JHY: variants seen among roughly 807,000 people sequenced by gnomAD.
JHY encodes the protein jhy protein homolog.
In JHY, 69 loss-of-function variants were observed where a neutral mutation model predicts 78.0. That is an observed-to-expected ratio of 0.88 (90% CI 0.73 to 1.08). The LOEUF (loss-of-function observed/expected upper bound fraction) is 1.08, where lower values mean the gene tolerates loss of function less well. Ranked by LOEUF, JHY falls within the 50% of genes least tolerant of loss-of-function variation. JHY has a pLI of 0.00. For missense variants in JHY, 944 were observed against 927.8 expected, an observed-to-expected ratio of 1.02 and a Z score of -0.23; for synonymous variants, 368 against 342.6, an observed-to-expected ratio of 1.07 and a Z score of -0.82.
rs745355947 is a variant in JHY, at chr11:122,959,440, G to A, written c.2332G>A (p.Val778Ile). 14 of 1,613,820 alleles carry A rather than the reference G, an allele frequency of 8.7e-6. No individual in the cohort carries two copies. The highest frequency in any genetic ancestry group is 1.7e-5 in the Admixed American group (1 of 60,028). ...AVAAFKVLHI[V>I] The stretch of plus-strand genomic sequence containing the variant: ...GGCTGCTTTCAAAGTCCTTCACATC[G>A]TATAGACAACATTTGATAGGAAGGA... The change falls in exon 9 of 9, where the codon GTA (valine) becomes ATA (isoleucine). Residue 778 changes from valine to isoleucine, a missense_variant. Val to Ile is a conservative substitution (Grantham distance 29). Transcript: ENST00000227349.
intron 1 of JHY, among the ~76,000 whole-genome samples, 173 bp from the exon 2 acceptor site, chr11:122,885,588 A>G (rs181997676): frequency 2.6e-5 from 4 of 152,328 alleles, no homozygotes; most frequent in East Asian, 3.9e-4. Context: ...GTGTTTCTGC[A>G]GAGAGAAAAA....
intron 3 of JHY, among the ~76,000 whole-genome samples, chr11:122,911,844 A>G (rs1260406816): frequency 8.4e-6 from 1 of 118,514 alleles, no homozygotes; most frequent in Non-Finnish European, 1.6e-5. Context: ...GGTGGAGGTT[A>G]TGGTGAACTG....
At position 122,885,778 on chromosome 11, in the gene JHY, C is replaced by A; in HGVS notation, c.-72C>A. The A allele has an allele frequency of 2.4e-6, 3 of 1,245,946 alleles. No individual in the cohort carries two copies. Among genetic ancestry groups the A allele is most frequent in the Non-Finnish European group, 3.4e-6 (3 of 892,434 alleles). The allele number at this position is 1,245,946 out of a possible 1,614,324, so 77.2% of individuals were successfully genotyped here. The stretch of plus-strand genomic sequence containing the variant: ...TTTTTCAGGTAACGCTTTTGTGAAC[C>A]ACAACTTTAAATATCAGCCAGCTGC... On this transcript the variant is annotated 5_prime_UTR_variant, in exon 2 of 9. Coordinates refer to ENST00000227349, the MANE Select transcript of JHY (RefSeq NM_024806.4).
intron 5 of JHY, among the ~76,000 whole-genome samples, chr11:122,945,965 C>T (rs765698432): frequency 2.5e-4 from 38 of 152,154 alleles, no homozygotes; most frequent in Admixed American, 1.2e-3. Context: ...CTTCTTACAA[C>T]GATCTTAGTT....
intron 2 of JHY, among the ~76,000 whole-genome samples, chr11:122,894,999 CATTTT>C (rs553283554): frequency 3.4e-4 from 52 of 152,090 alleles, no homozygotes; most frequent in Non-Finnish European, 5.9e-4. Flanking sequence ...TTTGTGGAAC[CATTTT>C]ATTTCATATT....
At chr11:122,886,298 C>T (rs141749816) in intron 2 of JHY, 105 bp downstream of exon 2, 5 of 1,086,480 alleles carry the variant, frequency 4.6e-6, no homozygotes, top group East Asian at 2.6e-5. Flanking sequence ...CCCTAATGAG[C>T]GCCGTGTGTG....
intron 2 of JHY, among the ~76,000 whole-genome samples, chr11:122,892,612 G>A (rs765532709): frequency 2.6e-5 from 4 of 152,194 alleles, no homozygotes; most frequent in Admixed American, 6.5e-5. Flanking sequence ...ATGAGCCACC[G>A]CGCCTGGCCA....
chr11:122,892,469 C>T (rs190028732), intron 2 of JHY, among the ~76,000 whole-genome samples: 36 of 151,970 alleles, frequency 2.4e-4, no homozygotes, highest in African/African-American at 8.0e-4. Context: ...ACTACAGGCG[C>T]GTGCCACCAT....
chr11:122,888,554 A>G (rs1459370512), intron 2 of JHY, among the ~76,000 whole-genome samples: 1 of 151,696 alleles, frequency 6.6e-6, no homozygotes, highest in Non-Finnish European at 1.5e-5. Context: ...TTTTTTAATC[A>G]TGCAAAAATT....
At chr11:122,926,190 AAAAAAAAAAAAAAAAAG>A (rs928191214) in intron 4 of JHY, among the ~76,000 whole-genome samples, 1 of 110,092 alleles carries the variant, frequency 9.1e-6, no homozygotes, top group African/African-American at 2.9e-5. Context: ...TCCATCTCAA[AAAAAAAAAAAAAAAAAG>A]AAAAAAGAAA....
At chr11:122,931,072 A>C (rs1863624774) in intron 4 of JHY, among the ~76,000 whole-genome samples, 1 of 152,154 alleles carries the variant, frequency 6.6e-6, no homozygotes, top group Non-Finnish European at 1.5e-5. Context: ...AATCCCAAGA[A>C]GGAGGGCTCC....
At chr11:122,959,204 G>C (rs1396065663) in intron 8 of JHY, 44 bp from the exon 9 acceptor site, 1 of 1,566,792 alleles carries the variant, frequency 6.4e-7, no homozygotes, top group Non-Finnish European at 8.7e-7. Flanking sequence ...AGGAATCCAG[G>C]CTCACTTCCC....
At chr11:122,939,251 G>T (rs1013854363) in intron 5 of JHY, among the ~76,000 whole-genome samples, 4 of 152,156 alleles carry the variant, frequency 2.6e-5, no homozygotes, top group African/African-American at 9.7e-5. Flanking sequence ...CTCCCAAAGT[G>T]CTGGGATTAC....
At chr11:122,901,462 ATT>A (rs57302005) in intron 2 of JHY, among the ~76,000 whole-genome samples, 30 of 151,400 alleles carry the variant, frequency 2.0e-4, no homozygotes, top group African/African-American at 3.9e-4. Context: ...TATACTTTTA[ATT>A]TTTTTTTTTA....
At position 122,886,190 on chromosome 11, in the gene JHY, A is replaced by C; in HGVS notation, c.341A>C (p.Asn114Thr). The change falls in exon 2 of 9, where the codon AAC becomes ACC. Residue 114 changes from asparagine (N) to threonine (T), a missense_variant. Asn to Thr is a moderately conservative substitution (Grantham distance 65). Coordinates refer to ENST00000227349, the MANE Select transcript of JHY (RefSeq NM_024806.4). ...NHHTWDQGAN[N>T]RQQPIEDKYS... The stretch of plus-strand genomic sequence containing the variant: ...CATACCTGGGACCAGGGCGCCAATA[A>C]CAGGTAAGGAATTGGCTTGTGTAAG... 6.2e-7 allele frequency: 1 copy of C among 1,607,710 alleles called. No homozygotes were observed. Among genetic ancestry groups the C allele is most frequent in the Non-Finnish European group, 8.5e-7 (1 of 1,176,498 alleles).
At chr11:122,887,537 G>A (rs1163220081) in intron 2 of JHY, among the ~76,000 whole-genome samples, 1 of 151,970 alleles carries the variant, frequency 6.6e-6, no homozygotes. Context: ...TGGCCAGGAT[G>A]GTCTCGATCT....
intron 3 of JHY, among the ~76,000 whole-genome samples, chr11:122,918,211 T>G (rs1041008408): frequency 1.3e-5 from 2 of 151,514 alleles, no homozygotes; most frequent in African/African-American, 4.9e-5. Flanking sequence ...TAGCATACAT[T>G]TATTGAGAGA....
chr11:122,934,282 C>T (rs1383895994), intron 4 of JHY, 138 bp from the exon 5 acceptor site: 4 of 399,960 alleles, frequency 1.0e-5, no homozygotes, highest in Admixed American at 1.1e-4. Flanking sequence ...TGCCACTGCA[C>T]TCCAGCCTGG....
At chr11:122,884,928 T>G (rs1475043333) in intron 1 of JHY, among the ~76,000 whole-genome samples, 1 of 151,610 alleles carries the variant, frequency 6.6e-6, no homozygotes, top group Non-Finnish European at 1.5e-5. Context: ...GTCTCCCGAG[T>G]AGCTGGGACT....
Sources: allele counts gnomAD v4.1 joint callset (sites outside exome capture counted in the v4.1 genomes callset), GRCh38; gene constraint gnomAD v4.1.1; transcripts MANE v1.5; gene names NCBI Gene and HGNC (gene_info 2026-07-23, HGNC 2026-07-21).